KIFC3: variants seen among roughly 807,000 people sequenced by gnomAD.
KIFC3 encodes the protein kinesin-like protein KIFC3.
Under a neutral mutation model 101.8 loss-of-function variants are expected in KIFC3, and 60 were observed. The observed-to-expected ratio is 0.59, with a 90% CI of 0.48 to 0.73. KIFC3 has a LOEUF of 0.73. KIFC3 is among the 30% of genes least tolerant of loss of function. The pLI is 0.00. For missense variants in KIFC3, 966 were observed against 1,137.1 expected (o/e 0.85, Z 2.16); for synonymous variants, 476 against 482.7 (o/e 0.99, Z 0.18).
intron 3 of KIFC3, among the ~76,000 whole-genome samples, chr16:57,786,981 T>A (rs905690266): frequency 4.6e-5 from 7 of 152,182 alleles, no homozygotes; most frequent in Non-Finnish European, 8.8e-5. Context: ...TCCAGAGAGC[T>A]GGAGCTGGGC....
chr16:57,767,057 AG>A (rs781838045), intron 9 of KIFC3, 72 bp from the exon 10 acceptor site: 2 of 1,236,896 alleles, frequency 1.6e-6, no homozygotes, highest in Non-Finnish European at 1.2e-6. Flanking sequence ...CCCACCCCTG[AG>A]GGGTGCTCAC....
chr16:57,775,760 CAG>C, intron 3 of KIFC3: 1 of 985,732 alleles, frequency 1.0e-6, no homozygotes, highest in Non-Finnish European at 1.2e-6. Flanking sequence ...GCCCAAGACA[CAG>C]GACGGAGGAG....
chr16:57,800,709 C>T (rs573939246), intron 1 of KIFC3, among the ~76,000 whole-genome samples: 2 of 152,226 alleles, frequency 1.3e-5, no homozygotes, highest in East Asian at 1.9e-4. Flanking sequence ...AGAGGAAGGG[C>T]GTGTGCTAGA....
chr16:57,828,982 T>A (rs1568092930), intron 1 of KIFC3, among the ~76,000 whole-genome samples: 1 of 152,194 alleles, frequency 6.6e-6, no homozygotes, highest in African/African-American at 2.4e-5. Flanking sequence ...GCCCAAAAAG[T>A]CAGTCAGCTC....
chr16:57,796,554 G>T (rs1156736307), intron 2 of KIFC3, among the ~76,000 whole-genome samples: 1 of 152,238 alleles, frequency 6.6e-6, no homozygotes, highest in African/African-American at 2.4e-5. Flanking sequence ...AGGGGCCTGG[G>T]GCAGCTGAGC....
At position 57,797,646 on chromosome 16, in the gene KIFC3, C is replaced by T. The variant is rs528463671; in HGVS notation, c.172+426G>A. ...TCCACTCCCAACGCCGTCCAGGGGCCAGCCCAGGCAGGATCAAGTGTCAGC... is the reference window on the plus strand; with the variant it reads ...TCCACTCCCAACGCCGTCCAGGGGCTAGCCCAGGCAGGATCAAGTGTCAGC... On this transcript the variant is annotated intron_variant, in intron 2 of 19. Transcript: ENST00000445690. 4.1e-4 allele frequency: 439 copies of T among 1,070,724 alleles called. 1 individual carries two copies. The highest frequency in any genetic ancestry group is 4.9e-4 in the Non-Finnish European group (427 of 877,588). 66.3% of individuals were successfully genotyped at this position (1,070,724 alleles called of 1,614,324 possible). A position where few individuals can be genotyped will look rare whatever the true frequency, so the allele number is the denominator to read the frequency against.
At chr16:57,827,599 C>T (rs2055485766) in intron 1 of KIFC3, among the ~76,000 whole-genome samples, 1 of 152,184 alleles carries the variant, frequency 6.6e-6, no homozygotes, top group Admixed American at 6.5e-5. Context: ...ATTTTCAGGA[C>T]CACAACCTCC....
chr16:57,818,970 G>C (rs997941296), intron 1 of KIFC3, among the ~76,000 whole-genome samples: 7 of 152,172 alleles, frequency 4.6e-5, no homozygotes, highest in Admixed American at 3.3e-4. Flanking sequence ...AAGAATCCAG[G>C]GGGCCCTCAC....
chr16:57,806,906 T>C (rs1376289360), upstream of KIFC3, among the ~76,000 whole-genome samples: 1 of 152,190 alleles, frequency 6.6e-6, no homozygotes, highest in Non-Finnish European at 1.5e-5. Context: ...AAATCATTCA[T>C]CATGAGCACC....
At position 57,759,780 on chromosome 16, in the gene KIFC3, G is replaced by A. The variant is rs148433455; in HGVS notation, c.2424C>T (p.Ser808=). ...QPSARAHSAP[S]SGTSSRPGSI... Reference sequence around the variant, plus strand: ...ATCCAGGGCGGCTACTGGTCCCAGAGCTGGGGGCTGAGTGGGCCCGTGCCG... The same window carrying A: ...ATCCAGGGCGGCTACTGGTCCCAGAACTGGGGGCTGAGTGGGCCCGTGCCG... The change falls in exon 18 of 20, where the codon AGC becomes AGT. Residue 808 remains serine, a synonymous_variant. Coordinates refer to ENST00000445690, the MANE Select transcript of KIFC3 (RefSeq NM_001130100.2). 224 of 1,611,574 alleles carry A rather than the reference G, an allele frequency of 1.4e-4. No individual in the cohort carries two copies. In the African/African-American group the frequency reaches 1.5e-3, roughly 11 times the overall value.
intron 1 of KIFC3, among the ~76,000 whole-genome samples, chr16:57,824,862 T>C (rs1391102465): frequency 6.6e-6 from 1 of 152,162 alleles, no homozygotes; most frequent in East Asian, 1.9e-4. Context: ...TAGGTTGGTC[T>C]CGATCTCCTG....
chr16:57,787,283 G>A (rs2053433859), intron 3 of KIFC3, among the ~76,000 whole-genome samples: 1 of 152,202 alleles, frequency 6.6e-6, no homozygotes. Context: ...GGAGAAATGG[G>A]GACAAGGAGC....
At chr16:57,857,021 C>T (rs375924652) in intron 1 of KIFC3, among the ~76,000 whole-genome samples, 12 of 152,240 alleles carry the variant, frequency 7.9e-5, no homozygotes, top group African/African-American at 2.2e-4. Flanking sequence ...AGCATTACCC[C>T]GATACCAATG....
chr16:57,840,888 C>T (rs966169348), intron 1 of KIFC3, among the ~76,000 whole-genome samples: 8 of 152,208 alleles, frequency 5.3e-5, no homozygotes, highest in African/African-American at 1.7e-4. Flanking sequence ...CCACCTTTGT[C>T]CCAGATGTCT....
At chr16:57,784,008 G>A (rs1041305974) in intron 3 of KIFC3, among the ~76,000 whole-genome samples, 1 of 152,214 alleles carries the variant, frequency 6.6e-6, no homozygotes, top group Non-Finnish European at 1.5e-5. Context: ...CCTCTGCTCT[G>A]TCCCAGAGCT....
chr16:57,775,098 C>T (rs1271904783), intron 3 of KIFC3: 5 of 1,489,510 alleles, frequency 3.4e-6, no homozygotes, highest in Non-Finnish European at 4.4e-6. Flanking sequence ...CTGCCTGCGG[C>T]CCAGGGTTCT....
upstream of KIFC3, chr16:57,802,978 T>C (rs1205621558): frequency 2.3e-5 from 35 of 1,535,534 alleles, no homozygotes; most frequent in Non-Finnish European, 3.1e-5. The surrounding 1 kb of genome is among the most constrained non-coding windows in gnomAD (Gnocchi z 5.0). Flanking sequence ...TACATGTACA[T>C]CCCTTACCGT....
At chr16:57,806,432 C>T (rs573339302), upstream of KIFC3, among the ~76,000 whole-genome samples, 179 of 152,232 alleles carry the variant, frequency 1.2e-3, no homozygotes, top group Non-Finnish European at 1.9e-3. Context: ...GCTCAACTCA[C>T]CCCCTGCAGC....
chr16:57,859,948 G>T (rs1487090413), intron 1 of KIFC3, among the ~76,000 whole-genome samples: 1 of 151,364 alleles, frequency 6.6e-6, no homozygotes, highest in Non-Finnish European at 1.5e-5. Flanking sequence ...CTTGAACCCA[G>T]GAGGCAGAGG....
Sources: allele counts gnomAD v4.1 joint callset (sites outside exome capture counted in the v4.1 genomes callset), GRCh38; gene constraint gnomAD v4.1.1; non-coding constraint Gnocchi (gnomAD v3.1); transcripts MANE v1.5; gene names NCBI Gene and HGNC (gene_info 2026-07-23, HGNC 2026-07-21).